Variants in GALNT2 observed in about 807,000 individuals in gnomAD.
GALNT2 encodes the protein UDP-GalNAc:polypeptide N-acetylgalactosaminyltransferase 2.
In GALNT2, 31 loss-of-function variants were observed where a neutral mutation model predicts 81.4. The ratio of observed to expected loss-of-function variants is 0.38; its 90% confidence interval spans 0.29 to 0.51. The LOEUF is 0.51. Ranked by LOEUF, GALNT2 falls within the 20% of genes least tolerant of loss-of-function variation. The pLI, the probability that GALNT2 is intolerant of heterozygous loss-of-function variation, is 0.87. For missense variants in GALNT2, 629 were observed against 765.7 expected (o/e 0.82, Z 2.11); for synonymous variants, 303 against 287.4 (o/e 1.05, Z -0.55).
chr1:230,230,526 C>T (rs1664837891), intron 3 of GALNT2, among the ~76,000 whole-genome samples: 1 of 152,182 alleles, frequency 6.6e-6, no homozygotes. Flanking sequence ...TGCTCCTACA[C>T]AGGACTCCAG....
chr1:230,059,165 A>G (rs1363771425), intron 1 of GALNT2, among the ~76,000 whole-genome samples: 1 of 152,246 alleles, frequency 6.6e-6, no homozygotes, highest in Non-Finnish European at 1.5e-5. Flanking sequence ...CAAAGTCACA[A>G]TGTATCATTA....
chr1:230,140,554 G>C (rs1661698346), intron 1 of GALNT2, among the ~76,000 whole-genome samples: 1 of 152,170 alleles, frequency 6.6e-6, no homozygotes, highest in Admixed American at 6.5e-5. Flanking sequence ...CGGGAGTACT[G>C]TCAGTGGTGC....
In GALNT2 at chr1:230,082,703, A is replaced by G. The variant is rs1659772015; in HGVS notation, c.126+15297A>G. Among the ~76,000 whole-genome samples, 7 of 152,370 alleles carry G rather than the reference A, an allele frequency of 4.6e-5. No individual in the cohort carries two copies. The South Asian group carries it at 1.4e-3, about 32-fold the overall frequency. On this transcript the variant is annotated intron_variant, in intron 1 of 15. Transcript: ENST00000366672. Reference sequence around the variant, plus strand: ...GCATTGCCCCTGCTCATAGGAAGTCATATGCATGGAACATACGCACTGGAG... The same window carrying G: ...GCATTGCCCCTGCTCATAGGAAGTCGTATGCATGGAACATACGCACTGGAG...
chr1:230,272,665 C>T (rs1666186620), intron 14 of GALNT2, among the ~76,000 whole-genome samples: 1 of 152,156 alleles, frequency 6.6e-6, no homozygotes, highest in African/African-American at 2.4e-5. Flanking sequence ...CTCTGCATCC[C>T]CTCTGCTGAT....
At chr1:230,128,345 T>C (rs1350389838) in intron 1 of GALNT2, among the ~76,000 whole-genome samples, 1 of 151,840 alleles carries the variant, frequency 6.6e-6, no homozygotes, top group Non-Finnish European at 1.5e-5. Context: ...TTCTCCGATG[T>C]TATATGGATT....
In GALNT2 at chr1:230,076,193, C is replaced by T. The variant is rs536491229; in HGVS notation, c.126+8787C>T. Among the ~76,000 whole-genome samples the T allele has an allele frequency of 3.3e-5, 5 of 152,328 alleles. No individual in the cohort carries two copies. In the East Asian group the frequency reaches 7.7e-4, roughly 23 times the overall value. ...GCAGTTTTAATTTAGACTGCTCCAG[C>T]AGTTTAATTTGCTGATCAGCTTCGT... On this transcript the variant is annotated intron_variant, in intron 1 of 15. Coordinates refer to ENST00000366672, the MANE Select transcript of GALNT2 (RefSeq NM_004481.5).
rs754471301 is a variant in GALNT2, at chr1:230,236,092, C to T, written c.453C>T (p.Ala151=). ...CGTTTCACAATGAAGCCAGGTCGGC[C>T]CTACTCAGGACCGTGGTCAGGTGAG... ...VITFHNEARS[A]LLRTVVSVLK... is the part of the protein sequence containing the mutation. Residue 151 remains alanine, a synonymous_variant, in exon 4 of 16, where the codon GCC becomes GCT. Transcript: ENST00000366672. 1.9e-6 allele frequency: 3 copies of T among 1,614,000 alleles called. No homozygotes were observed. The highest frequency in any genetic ancestry group is 3.3e-5 in the Admixed American group (2 of 60,012).
Position 230,254,361 on chromosome 1 carries a change from G to A in GALNT2, c.1010-857G>A, listed in dbSNP as rs182522566. Among the ~76,000 whole-genome samples the A allele has an allele frequency of 5.9e-5, 9 of 152,234 alleles. No individual in the cohort carries two copies. The East Asian group carries it at 9.7e-4, about 16-fold the overall frequency. On this transcript the variant is annotated intron_variant, in intron 10 of 15. Transcript: ENST00000366672. ...ACCTACACATCTCATTCCTCCTGCC[G>A]GTCAGTTCTGTGTTGAAGCAAGTCA...
At chr1:230,093,638 T>G (rs1390847460) in intron 1 of GALNT2, among the ~76,000 whole-genome samples, 4 of 152,200 alleles carry the variant, frequency 2.6e-5, no homozygotes, top group Non-Finnish European at 5.9e-5. Flanking sequence ...CAAGGTACGG[T>G]CAAGCTCAGC....
At chr1:230,263,962 T>A (rs1227061810) in intron 13 of GALNT2, 1 of 152,212 alleles carries the variant, frequency 6.6e-6, no homozygotes, top group Admixed American at 6.5e-5. Flanking sequence ...TTCCTCTGCT[T>A]TTCAAGTAAC....
At chr1:230,073,043 G>T (rs74145437) in intron 1 of GALNT2, among the ~76,000 whole-genome samples, 1,852 of 152,298 alleles carry the variant, frequency 0.012, 38 homozygotes, top group African/African-American at 0.042. Context: ...TGCCTTATGG[G>T]TGAGGTGTTT....
At chr1:230,255,488 C>G in intron 11 of GALNT2, 144 bp downstream of exon 11, 1 of 1,087,984 alleles carries the variant, frequency 9.2e-7, no homozygotes, top group Non-Finnish European at 1.3e-6. Context: ...AATTGAAAGG[C>G]GCATTCCACG....
chr1:230,279,626 A>G lies in GALNT2; in HGVS notation c.*168A>G, dbSNP rs146911682. ...AAGGCACGGACGACTGTGCAGACAC[A>G]GCAGCGGCAAGAAGCGAGAACTGCC... On this transcript the variant is annotated 3_prime_UTR_variant, in exon 16 of 16. Transcript: ENST00000366672. The surrounding 1 kb of genome is among the most constrained non-coding windows in gnomAD (Gnocchi z 4.6). 9.0e-4 allele frequency: 753 copies of G among 834,492 alleles called. 5 individuals carry two copies. In the East Asian group the frequency reaches 0.014, roughly 16 times the overall value. 51.7% of individuals were successfully genotyped at this position (834,492 alleles called of 1,614,324 possible).
intron 11 of GALNT2, 137 bp downstream of exon 11, chr1:230,255,481 T>A: frequency 8.5e-7 from 1 of 1,177,470 alleles, no homozygotes; most frequent in Admixed American, 2.1e-5. Context: ...ACTTAGCAAT[T>A]GAAAGGCGCA....
At chr1:230,270,536 G>A (rs577796782) in intron 14 of GALNT2, among the ~76,000 whole-genome samples, 22 of 152,320 alleles carry the variant, frequency 1.4e-4, no homozygotes, top group African/African-American at 5.3e-4. Flanking sequence ...AAATGCAAAT[G>A]GCCCTGGGTG....
intron 1 of GALNT2, among the ~76,000 whole-genome samples, chr1:230,138,511 C>T (rs1347755738): frequency 5.3e-5 from 7 of 132,006 alleles, no homozygotes; most frequent in African/African-American, 2.1e-4. Flanking sequence ...GGCGATGCAG[C>T]GAGACTCTGT....
chr1:230,230,383 T>G (rs1664834286), intron 3 of GALNT2, among the ~76,000 whole-genome samples: 1 of 152,258 alleles, frequency 6.6e-6, no homozygotes, highest in South Asian at 2.1e-4. Context: ...CGACCTTGCA[T>G]GATCCTCGTG....
chr1:230,254,092 G>T (rs656029), intron 10 of GALNT2, among the ~76,000 whole-genome samples: 144,531 of 152,274 alleles, frequency 0.95, 68,715 homozygotes, highest in East Asian at 1. Context: ...ATACAAACCT[G>T]GTAAAGAAAA....
intron 1 of GALNT2, among the ~76,000 whole-genome samples, chr1:230,073,778 A>T (rs1275485003): frequency 6.6e-6 from 1 of 152,192 alleles, no homozygotes; most frequent in East Asian, 1.9e-4. Context: ...AAATGGGCCG[A>T]TCCCTCATGG....
Sources: gnomAD v4.1 joint callset for allele counts (sites outside exome capture counted in the v4.1 genomes callset) on GRCh38, gnomAD v4.1.1 for gene constraint, Gnocchi (gnomAD v3.1) non-coding constraint, MANE v1.5 for transcripts, NCBI Gene and HGNC (gene_info 2026-07-23, HGNC 2026-07-21) for gene names.